GDI2: variants seen among roughly 807,000 people sequenced by gnomAD.
GDI2 encodes the protein rab GDP dissociation inhibitor beta.
In GDI2, 22 loss-of-function variants were observed where a neutral mutation model predicts 54.2. The ratio of observed to expected loss-of-function variants is 0.41; its 90% CI spans 0.29 to 0.58. The LOEUF is 0.58. Ranked by LOEUF, GDI2 falls within the 20% of genes least tolerant of loss-of-function variation. The pLI, the probability that GDI2 is intolerant of heterozygous loss-of-function variation, is 0.35. For synonymous variants in GDI2, 177 were observed against 182.1 expected, an observed-to-expected ratio of 0.97 and a Z score of 0.23; for missense variants, 422 against 546.0, an observed-to-expected ratio of 0.77 and a Z score of 2.26.
intron 1 of GDI2, among the ~76,000 whole-genome samples, chr10:5,803,005 T>C (rs1841302922): frequency 6.6e-6 from 1 of 152,234 alleles, no homozygotes; most frequent in African/African-American, 2.4e-5. Context: ...ACTCCTCCCT[T>C]TTCCAATTAC....
chr10:5,780,921 A>C (rs1840740016), intron 6 of GDI2, among the ~76,000 whole-genome samples: 1 of 152,224 alleles, frequency 6.6e-6, no homozygotes, highest in South Asian at 2.1e-4. Flanking sequence ...ACGTATATGG[A>C]AATGCGAACA....
At position 5,779,852 on chromosome 10, in the gene GDI2, C is replaced by G. The variant is rs144813557; in HGVS notation, c.719+5290G>C. ...GGACTACAGGCATGCATCACCACAC[C>G]CAGCTAATTTTTTGTGTTTTTCTAG... On this transcript the variant is annotated intron_variant, in intron 6 of 10. Coordinates refer to ENST00000380191, the MANE Select transcript of GDI2 (RefSeq NM_001494.4). 4.8e-3 allele frequency among the ~76,000 whole-genome samples: 736 copies of G among 152,018 alleles called. 6 individuals are homozygous for G. Among genetic ancestry groups the G allele is most frequent in the African/African-American group, 0.017 (715 of 41,472 alleles).
intron 4 of GDI2, among the ~76,000 whole-genome samples, chr10:5,794,377 C>T (rs959285075): frequency 1.3e-5 from 2 of 151,364 alleles, no homozygotes; most frequent in Non-Finnish European, 2.9e-5. Context: ...CATGATTAAG[C>T]ACCAGGGCTC....
At chr10:5,784,832 CAG>C (rs1000108169) in intron 6 of GDI2, among the ~76,000 whole-genome samples, 20 of 152,184 alleles carry the variant, frequency 1.3e-4, no homozygotes, top group African/African-American at 9.7e-5. Flanking sequence ...GTGGAGGTAA[CAG>C]GGGTGTGAAG....
At position 5,805,160 on chromosome 10, in the gene GDI2, C is replaced by CT. The variant is rs781169879; in HGVS notation, c.46-4456dup. ...ATCGGGAGCTTTTCAGAGTGTATGG[C>CT]TAACCCTGCAAGCAGGGCATCTCAG... On this transcript the variant is annotated intron_variant, in intron 1 of 10. Coordinates refer to ENST00000380191, the MANE Select transcript of GDI2 (RefSeq NM_001494.4). Among the ~76,000 whole-genome samples, 101 of 152,030 alleles carry CT rather than the reference C, an allele frequency of 6.6e-4. 1 individual carries two copies. Among genetic ancestry groups the CT allele is most frequent in the Non-Finnish European group, 1.1e-3 (74 of 67,956 alleles).
rs147586763 is a variant in GDI2 at position 5,809,284 on chromosome 10, T to C, written c.45+3930A>G. Among the ~76,000 whole-genome samples the C allele has an allele frequency of 3.7e-3, 544 of 145,492 alleles. 3 individuals carry two copies. The highest frequency in any genetic ancestry group is 0.013 in the African/African-American group (517 of 40,118). ...AAAAAAACTGTCAAAAGATACCTTC[T>C]CTTGAAATGTGGCTAATTATATCAC... On this transcript the variant is annotated intron_variant, in intron 1 of 10. Coordinates refer to ENST00000380191, the MANE Select transcript of GDI2 (RefSeq NM_001494.4).
chr10:5,770,561 CA>C (rs544323518), intron 7 of GDI2, among the ~76,000 whole-genome samples: 67 of 144,406 alleles, frequency 4.6e-4, no homozygotes, highest in Non-Finnish European at 7.8e-4. Context: ...GACTCCATCT[CA>C]AAAAAAAAGA....
At chr10:5,784,132 T>C (rs541172128) in intron 6 of GDI2, among the ~76,000 whole-genome samples, 64 of 152,350 alleles carry the variant, frequency 4.2e-4, no homozygotes, top group African/African-American at 1.4e-3. Context: ...TTTTTTTAAA[T>C]TCTTTTTTGT....
intron 6 of GDI2, among the ~76,000 whole-genome samples, chr10:5,781,158 C>A (rs186685811): frequency 6.8e-6 from 1 of 147,944 alleles, no homozygotes; most frequent in African/African-American, 2.5e-5. Flanking sequence ...GCTAAAACAA[C>A]TAAATATTCG....
chr10:5,791,950 CT>C (rs1841026786), intron 4 of GDI2, among the ~76,000 whole-genome samples: 1 of 151,862 alleles, frequency 6.6e-6, no homozygotes, highest in Non-Finnish European at 1.5e-5. Context: ...ATCTGGGATA[CT>C]GTCTCTGGTC....
chr10:5,781,166 T>C (rs1249422656), intron 6 of GDI2, among the ~76,000 whole-genome samples: 2 of 144,688 alleles, frequency 1.4e-5, no homozygotes, highest in Non-Finnish European at 3.1e-5. Flanking sequence ...AACTAAATAT[T>C]CGTATGTAAA....
rs117036012 is a variant in GDI2 at position 5,776,904 on chromosome 10, A to G, written c.720-2963T>C. The G allele has an allele frequency of 1.2e-6, 1 of 812,548 alleles. No homozygotes were observed. The highest frequency in any genetic ancestry group is 1.9e-6 in the Non-Finnish European group (1 of 523,886). 50.3% of individuals were successfully genotyped at this position (812,548 alleles called of 1,614,324 possible). The stretch of plus-strand genomic sequence containing the variant: ...AGAGGGGAGAAGAGGAAATAATGCG[A>G]AAACAGTTAATCCAGCAAAAAAATT... On this transcript the variant is annotated intron_variant, in intron 6 of 10. Transcript: ENST00000380191. This position sits in a 1 kb window ranked among gnomAD's most constrained non-coding sequence, Gnocchi z 5.3.
chr10:5,791,565 T>C (rs933827989), intron 4 of GDI2, among the ~76,000 whole-genome samples: 1 of 151,968 alleles, frequency 6.6e-6, no homozygotes, highest in Non-Finnish European at 1.5e-5. Flanking sequence ...CTGACCAACA[T>C]GGAGAAACCC....
At chr10:5,787,299 G>A (rs1042539520) in intron 4 of GDI2, among the ~76,000 whole-genome samples, 1 of 152,234 alleles carries the variant, frequency 6.6e-6, no homozygotes, top group Non-Finnish European at 1.5e-5. Context: ...GAGGTCAGGA[G>A]TTCAAGACCA....
intron 1 of GDI2, among the ~76,000 whole-genome samples, chr10:5,810,656 T>C (rs1431272881): frequency 6.6e-6 from 1 of 152,218 alleles, no homozygotes; most frequent in Admixed American, 6.5e-5. Context: ...GGTTATCAAG[T>C]AAATTATGTT....
intron 1 of GDI2, among the ~76,000 whole-genome samples, chr10:5,809,383 A>G (rs1841443298): frequency 6.6e-6 from 1 of 152,118 alleles, no homozygotes; most frequent in Non-Finnish European, 1.5e-5. Flanking sequence ...CTCTCTCCAA[A>G]GCTTCTGTTT....
At chr10:5,802,628 C>T (rs1841295736) in intron 1 of GDI2, among the ~76,000 whole-genome samples, 2 of 151,666 alleles carry the variant, frequency 1.3e-5, no homozygotes, top group Admixed American at 6.6e-5. Context: ...GGAAAACTTA[C>T]AACTACCACC....
Position 5,794,188 on chromosome 10 carries a change from AATATATATATATATATAT to A in GDI2, c.388+679_388+696del, listed in dbSNP as rs1165735549. On this transcript the variant is annotated intron_variant, in intron 4 of 10. Coordinates refer to ENST00000380191, the MANE Select transcript of GDI2 (RefSeq NM_001494.4). ...TCTTTAAAAGAAAAAAAAAAAAAAA[AATATATATATATATATAT>A]ATATATATATATATATATATATATA... Among the ~76,000 whole-genome samples, 28 of 40,348 alleles carry A rather than the reference AATATATATATATATATAT, an allele frequency of 6.9e-4. 1 individual carries two copies. The highest frequency in any genetic ancestry group is 3.1e-3 in the East Asian group (3 of 954). The allele number at this position is 40,348 out of a possible 152,430, so 26.5% of individuals were successfully genotyped here.
rs146019676 is a variant in GDI2 at position 5,777,455 on chromosome 10, C to G, written c.720-3514G>C. 2.4e-3 allele frequency among the ~76,000 whole-genome samples: 363 copies of G among 152,268 alleles called. 3 individuals carry two copies. Among genetic ancestry groups the G allele is most frequent in the African/African-American group, 8.2e-3 (341 of 41,554 alleles). On this transcript the variant is annotated intron_variant, in intron 6 of 10. Coordinates refer to ENST00000380191, the MANE Select transcript of GDI2 (RefSeq NM_001494.4). The stretch of plus-strand genomic sequence containing the variant: ...GCCATTCCAACTCCAGCCTGGGTGA[C>G]AGAGTGAGACTCCATCTCAACACAG...
Sources: allele counts gnomAD v4.1 joint callset (sites outside exome capture counted in the v4.1 genomes callset), GRCh38; gene constraint gnomAD v4.1.1; non-coding constraint Gnocchi (gnomAD v3.1); transcripts MANE v1.5; gene names NCBI Gene and HGNC (gene_info 2026-07-23, HGNC 2026-07-21).